MEF2A: variants seen among roughly 807,000 people sequenced by gnomAD.
MEF2A encodes myocyte-specific enhancer factor 2A.
MEF2A carries 28 observed loss-of-function variants against 55.8 expected under a neutral mutation model. That is an observed-to-expected ratio of 0.50 (90% CI 0.37 to 0.69). The LOEUF is 0.69. MEF2A is among the 30% of genes least tolerant of loss of function. The pLI is 0.00. For synonymous variants in MEF2A, 239 were observed against 227.1 expected, an observed-to-expected ratio of 1.05 and a Z score of -0.47; for missense variants, 528 against 626.2, an observed-to-expected ratio of 0.84 and a Z score of 1.67.
rs762621882 is a variant in MEF2A at position 99,703,330 on chromosome 15, ACT to A, written c.859-27_859-26del. On this transcript the variant is annotated intron_variant, in intron 8 of 11. Transcript: ENST00000557942. ...TTTGTGAGTACCAACAGTCTTAGTA[ACT>A]CTCTTATCCCTCTTATGTGCTGAGT... The A allele has an allele frequency of 3.1e-6, 5 of 1,611,568 alleles. No homozygotes were observed. The South Asian group carries it at 3.3e-5, about 11-fold the overall frequency.
intron 1 of MEF2A, among the ~76,000 whole-genome samples, chr15:99,596,648 G>C (rs983836190): frequency 2.0e-5 from 3 of 152,172 alleles, no homozygotes; most frequent in African/African-American, 7.2e-5. Context: ...GGGATTGGTT[G>C]AATCACCGGA....
rs2057457708 is a variant in MEF2A at position 99,702,107 on chromosome 15, T to G, written c.859-1255T>G. The stretch of plus-strand genomic sequence containing the variant: ...TAATGTTAGACAGTATATTTTGGTG[T>G]GTACCTTGTGTTTGGAGATATGTAA... On this transcript the variant is annotated intron_variant, in intron 8 of 11. Transcript: ENST00000557942. Among the ~76,000 whole-genome samples the G allele has an allele frequency of 2.6e-5, 4 of 152,264 alleles. No individual in the cohort carries two copies. In the South Asian group the frequency reaches 8.3e-4, roughly 31 times the overall value.
chr15:99,627,982 A>G (rs536003286), intron 2 of MEF2A, among the ~76,000 whole-genome samples: 1 of 152,296 alleles, frequency 6.6e-6, no homozygotes, highest in Admixed American at 6.5e-5. Flanking sequence ...AAGAGAAATG[A>G]TTGGGGATTA....
rs1397858027 is a variant in MEF2A at position 99,629,660 on chromosome 15, G to A, written c.-142-3318G>A. ...CTAACAAAGGCAAAAGGAGAAAAAGGGAAAAAGGCCGGGGTGGGGGTACTA... is the reference window on the plus strand; with the variant it reads ...CTAACAAAGGCAAAAGGAGAAAAAGAGAAAAAGGCCGGGGTGGGGGTACTA... On this transcript the variant is annotated intron_variant, in intron 2 of 11. Transcript: ENST00000557942. Among the ~76,000 whole-genome samples, 5 of 150,934 alleles carry A rather than the reference G, an allele frequency of 3.3e-5. No individual in the cohort carries two copies. In the South Asian group the frequency reaches 6.4e-4, roughly 19 times the overall value.
In MEF2A at chr15:99,632,964, G is replaced by A. The variant is rs1166261773; in HGVS notation, c.-142-14G>A. ...TTACAGATTTTAAATCTTCTAATTT[G>A]TGTTTTCTTTTAGATCTTGTAGAAA... On this transcript the variant is annotated splice_polypyrimidine_tract_variant and intron_variant, in intron 2 of 11. Coordinates refer to ENST00000557942, the MANE Select transcript of MEF2A (RefSeq NM_001319206.4). 1 of 558,248 alleles carries A rather than the reference G, an allele frequency of 1.8e-6. No individual in the cohort carries two copies. Among genetic ancestry groups the A allele is most frequent in the African/African-American group, 2.0e-5 (1 of 50,166 alleles). The allele number at this position is 558,248 out of a possible 1,614,324, so 34.6% of individuals were successfully genotyped here.
At chr15:99,709,931 C>T (rs185307598) in intron 10 of MEF2A, among the ~76,000 whole-genome samples, 1 of 152,186 alleles carries the variant, frequency 6.6e-6, no homozygotes, top group East Asian at 1.9e-4. Flanking sequence ...GAGCTTGGCA[C>T]CCCATGTAGG....
intron 2 of MEF2A, 53 bp from the exon 3 acceptor site, chr15:99,632,925 C>T: frequency 2.1e-6 from 1 of 482,982 alleles, no homozygotes; most frequent in Non-Finnish European, 3.7e-6. Flanking sequence ...ATAACACTTA[C>T]ATGATTTGTA....
chr15:99,707,769 A>T (rs1242066812), intron 10 of MEF2A, among the ~76,000 whole-genome samples: 13 of 152,174 alleles, frequency 8.5e-5, no homozygotes, highest in Admixed American at 8.5e-4. Context: ...TCATAAGTAG[A>T]CTGTGGTAAA....
chr15:99,669,681 A>G (rs988399950), intron 4 of MEF2A, among the ~76,000 whole-genome samples: 3 of 152,226 alleles, frequency 2.0e-5, no homozygotes, highest in Non-Finnish European at 2.9e-5. Flanking sequence ...TTCATGAAAA[A>G]TTTTTAAAAA....
chr15:99,693,091 G>C (rs756018478), intron 8 of MEF2A, among the ~76,000 whole-genome samples: 6 of 152,152 alleles, frequency 3.9e-5, no homozygotes, highest in Non-Finnish European at 8.8e-5. Flanking sequence ...TAGGTGCCCT[G>C]ATGGTAACCA....
intron 4 of MEF2A, among the ~76,000 whole-genome samples, chr15:99,648,960 T>C (rs2046416157): frequency 6.6e-6 from 1 of 152,218 alleles, no homozygotes; most frequent in Non-Finnish European, 1.5e-5. Flanking sequence ...TGATTATAAA[T>C]AGGTAGAAAT....
chr15:99,619,516 T>C (rs1347399846), intron 2 of MEF2A, among the ~76,000 whole-genome samples: 1 of 152,200 alleles, frequency 6.6e-6, no homozygotes, highest in Non-Finnish European at 1.5e-5. Context: ...TAAAAAGTTA[T>C]GTGTGAAGTG....
Position 99,710,299 on chromosome 15 carries a change from G to A in MEF2A, c.1010-335G>A, listed in dbSNP as rs552518738. Among the ~76,000 whole-genome samples the A allele has an allele frequency of 7.9e-5, 12 of 152,306 alleles. No homozygotes were observed. In the South Asian group the frequency reaches 2.1e-3, roughly 26 times the overall value. The stretch of plus-strand genomic sequence containing the variant: ...TGTTGCCCAGGCTGGATGGAGTGCA[G>A]TGGTGCTACCTCGGCTCACTGCAGC... On this transcript the variant is annotated intron_variant, in intron 10 of 11. Transcript: ENST00000557942.
At chr15:99,675,121 C>A (rs1311942350) in intron 6 of MEF2A, among the ~76,000 whole-genome samples, 2 of 151,980 alleles carry the variant, frequency 1.3e-5, no homozygotes, top group African/African-American at 4.8e-5. Flanking sequence ...ACACACTGCC[C>A]CCGTTTTTAT....
intron 3 of MEF2A, among the ~76,000 whole-genome samples, chr15:99,640,477 CCTTTT>C (rs1382116869): frequency 6.6e-6 from 1 of 151,896 alleles, no homozygotes; most frequent in Non-Finnish European, 1.5e-5. Context: ...TTCTTCCTTT[CCTTTT>C]CTTTTTTTCT....
intron 1 of MEF2A, among the ~76,000 whole-genome samples, chr15:99,567,626 A>AATGTATGT (rs1567124507): frequency 8.2e-6 from 1 of 122,014 alleles, no homozygotes; most frequent in African/African-American, 3.3e-5. Context: ...TTTTGTATGT[A>AATGTATGT]CTGTGTGTGT....
chr15:99,643,743 C>T (rs761058183), intron 3 of MEF2A, among the ~76,000 whole-genome samples: 41 of 152,102 alleles, frequency 2.7e-4, no homozygotes, highest in Admixed American at 1.6e-3. Context: ...AGGCGCCCAC[C>T]ACCACGCCCG....
At chr15:99,703,024 T>G (rs1368232442) in intron 8 of MEF2A, among the ~76,000 whole-genome samples, 1 of 152,136 alleles carries the variant, frequency 6.6e-6, no homozygotes, top group Non-Finnish European at 1.5e-5. Context: ...TTCTCACAGT[T>G]CCAAATACAG....
At chr15:99,614,653 G>A (rs2039893078) in intron 2 of MEF2A, among the ~76,000 whole-genome samples, 1 of 152,122 alleles carries the variant, frequency 6.6e-6, no homozygotes, top group Admixed American at 6.5e-5. Flanking sequence ...TGTTAGGAAA[G>A]TGCATTAGAA....
Sources: allele counts gnomAD v4.1 joint callset (sites outside exome capture counted in the v4.1 genomes callset), GRCh38; gene constraint gnomAD v4.1.1; transcripts MANE v1.5; gene names NCBI Gene and HGNC (gene_info 2026-07-23, HGNC 2026-07-21).